SSBP3: variants seen among roughly 807,000 people sequenced by gnomAD.
SSBP3 encodes the protein single-stranded DNA-binding protein 3.
SSBP3 carries 5 observed loss-of-function variants against 69.6 expected under a neutral mutation model. The ratio of observed to expected loss-of-function variants is 0.07; its 90% CI spans 0.04 to 0.15. SSBP3 has a LOEUF of 0.15. SSBP3 is among the 10% of genes least tolerant of loss of function. The pLI is 1.00. For synonymous variants in SSBP3, 196 were observed against 193.4 expected, an observed-to-expected ratio of 1.01 and a Z score of -0.11; for missense variants, 312 against 534.0, an observed-to-expected ratio of 0.58 and a Z score of 4.10.
intron 1 of SSBP3, 53 bp downstream of exon 1, chr1:54,405,900 G>T (rs1458179614): frequency 7.6e-6 from 2 of 262,280 alleles, no homozygotes; most frequent in East Asian, 3.9e-4. Flanking sequence ...CCCACCGCCC[G>T]CCCGCCCGCA....
At chr1:54,305,108 A>G (rs747731824) in intron 4 of SSBP3, among the ~76,000 whole-genome samples, 4 of 152,192 alleles carry the variant, frequency 2.6e-5, no homozygotes, top group Non-Finnish European at 4.4e-5. Flanking sequence ...GTGGGAGGCC[A>G]GGCCAGGGGT....
At chr1:54,296,489 CTT>C (rs1342975136) in intron 4 of SSBP3, among the ~76,000 whole-genome samples, 1 of 152,230 alleles carries the variant, frequency 6.6e-6, no homozygotes, top group East Asian at 1.9e-4. Context: ...CCTTCGGTAA[CTT>C]TGAATCTACA....
chr1:54,225,542 AG>A, exon 18 of SSBP3: 1 of 813,510 alleles, frequency 1.2e-6, no homozygotes, highest in South Asian at 6.6e-5. Flanking sequence ...CCAGACTACA[AG>A]GTAAGAAAAA....
At chr1:54,346,050 C>G (rs1463146404) in intron 4 of SSBP3, among the ~76,000 whole-genome samples, 1 of 151,816 alleles carries the variant, frequency 6.6e-6, no homozygotes, top group Non-Finnish European at 1.5e-5. Flanking sequence ...GTACTCCCAT[C>G]TACTCAGGAG....
intron 14 of SSBP3, chr1:54,237,372 AG>A (rs1644514960): frequency 6.6e-6 from 1 of 152,202 alleles, no homozygotes; most frequent in Admixed American, 6.5e-5. Flanking sequence ...CGTCCATTCA[AG>A]GAGTGCGCCC....
intron 4 of SSBP3, among the ~76,000 whole-genome samples, chr1:54,364,345 T>A (rs1286020196): frequency 6.6e-6 from 1 of 152,162 alleles, no homozygotes; most frequent in Non-Finnish European, 1.5e-5. Context: ...GCTGCCGTAA[T>A]AGACAGGTTC....
intron 7 of SSBP3, among the ~76,000 whole-genome samples, chr1:54,254,707 C>T (rs1021306084): frequency 5.9e-5 from 9 of 152,188 alleles, no homozygotes; most frequent in Non-Finnish European, 1.2e-4. Context: ...GCAGACCCAA[C>T]GAGGGCACTC....
chr1:54,376,716 C>T (rs1252220320), intron 4 of SSBP3, among the ~76,000 whole-genome samples: 1 of 152,176 alleles, frequency 6.6e-6, no homozygotes, highest in Non-Finnish European at 1.5e-5. Flanking sequence ...GGAATCCCAG[C>T]TCCTCCACCA....
rs545979621 is a variant in SSBP3 at position 54,341,484 on chromosome 1, G to A, written c.277-59957C>T. Among the ~76,000 whole-genome samples the A allele has an allele frequency of 8.5e-5, 13 of 152,222 alleles. No homozygotes were observed. The East Asian group carries it at 2.3e-3, about 27-fold the overall frequency. On this transcript the variant is annotated intron_variant, in intron 4 of 17. Transcript: ENST00000610401. The stretch of plus-strand genomic sequence containing the variant: ...CTGCATCCATGGGCCAAAGAGAATA[G>A]ATGCCGACCTGCCATCCATTCATTC...
rs546632040 is a variant in SSBP3, at chr1:54,321,316, G to A, written c.277-39789C>T. On this transcript the variant is annotated intron_variant, in intron 4 of 17. Coordinates refer to ENST00000610401, the Ensembl canonical transcript of SSBP3. ...TTCAGAGAGAGAACTCTGGCAGCAG[G>A]CTGTATTCATCTCAGTGCCCTCAGT... Among the ~76,000 whole-genome samples the A allele has an allele frequency of 2.6e-5, 4 of 152,362 alleles. No homozygotes were observed. In the South Asian group the frequency reaches 8.3e-4, roughly 32 times the overall value.
intron 4 of SSBP3, among the ~76,000 whole-genome samples, chr1:54,296,320 G>C (rs1645702791): frequency 6.6e-6 from 1 of 152,226 alleles, no homozygotes; most frequent in Admixed American, 6.5e-5. Flanking sequence ...CCTGAAACTT[G>C]CAAGTCAGAG....
chr1:54,229,630 G>A lies in SSBP3; in HGVS notation c.928-804C>T, dbSNP rs569888100. On this transcript the variant is annotated intron_variant, in intron 14 of 17. Transcript: ENST00000610401. ...TATCTGGAACTATCAAACCCTTCTC[G>A]GAAAGGAAGACCAGAAAGGTCACAT... Among the ~76,000 whole-genome samples, 14 of 152,274 alleles carry A rather than the reference G, an allele frequency of 9.2e-5. 1 individual carries two copies. The South Asian group carries it at 1.7e-3, about 18-fold the overall frequency.
intron 5 of SSBP3, among the ~76,000 whole-genome samples, chr1:54,278,737 C>T (rs1332297909): frequency 1.3e-5 from 2 of 152,348 alleles, no homozygotes; most frequent in East Asian, 1.9e-4. Flanking sequence ...CATCCCAAGC[C>T]GACTCCCTGG....
At chr1:54,372,043 G>T (rs555746560) in intron 4 of SSBP3, among the ~76,000 whole-genome samples, 1 of 152,272 alleles carries the variant, frequency 6.6e-6, no homozygotes, top group South Asian at 2.1e-4. Flanking sequence ...ACTAGTTAAT[G>T]AGTATCTCCA....
intron 4 of SSBP3, among the ~76,000 whole-genome samples, chr1:54,355,078 C>G (rs1014000130): frequency 4.6e-5 from 7 of 152,178 alleles, no homozygotes; most frequent in African/African-American, 9.7e-5. Context: ...TTTGAAGGTC[C>G]CTCACACAAT....
chr1:54,352,442 A>T (rs945353307), intron 4 of SSBP3, among the ~76,000 whole-genome samples: 2 of 152,130 alleles, frequency 1.3e-5, no homozygotes, highest in South Asian at 4.2e-4. Context: ...ACCCCTGAGG[A>T]ACCTTCTGTC....
At chr1:54,240,075 T>TGCGCGCGCGC (rs1644585749) in intron 13 of SSBP3, among the ~76,000 whole-genome samples, 1 of 26,688 alleles carries the variant, frequency 3.7e-5, no homozygotes, top group African/African-American at 2.2e-4. Flanking sequence ...TGTGTGTGTG[T>TGCGCGCGCGC]GTGTGTGTGT....
At chr1:54,409,061 C>T (rs1051599101), upstream of SSBP3, among the ~76,000 whole-genome samples, 1 of 152,176 alleles carries the variant, frequency 6.6e-6, no homozygotes, top group African/African-American at 2.4e-5. Flanking sequence ...GCACAATTAT[C>T]CAAAATGTGG....
chr1:54,412,671 C>T (rs780149713), intron 1 of SSBP3: 3 of 152,256 alleles, frequency 2.0e-5, no homozygotes, highest in Admixed American at 1.3e-4. Flanking sequence ...CTGAAGTGTA[C>T]GCTATAAAAG....
Sources: allele counts gnomAD v4.1 joint callset (sites outside exome capture counted in the v4.1 genomes callset), GRCh38; gene constraint gnomAD v4.1.1; transcripts MANE v1.5; gene names NCBI Gene and HGNC (gene_info 2026-07-23, HGNC 2026-07-21).